Variants in HMGXB4 observed in about 807,000 individuals in gnomAD.
HMGXB4 encodes HMG-box containing 4.
HMGXB4 carries 27 observed loss-of-function variants against 63.9 expected under a neutral mutation model. The observed-to-expected ratio is 0.42, with a 90% CI of 0.31 to 0.58. The LOEUF (loss-of-function observed/expected upper bound fraction) is 0.58. Ranked by LOEUF, HMGXB4 falls within the 20% of genes least tolerant of loss-of-function variation. The pLI is 0.13. For missense variants in HMGXB4, 624 were observed against 700.7 expected, an observed-to-expected ratio of 0.89 and a Z score of 1.24; for synonymous variants, 264 against 265.3, an observed-to-expected ratio of 0.99 and a Z score of 0.05.
At chr22:35,278,238 A>G (rs150817529) in intron 5 of HMGXB4, among the ~76,000 whole-genome samples, 1,728 of 152,232 alleles carry the variant, frequency 0.011, 16 homozygotes, top group Non-Finnish European at 0.018. Context: ...TACTACTACA[A>G]TTTATTCATT....
In HMGXB4 at chr22:35,295,655, C is replaced by T. The variant is rs1925217677; in HGVS notation, c.*2004C>T. On this transcript the variant is annotated 3_prime_UTR_variant, in exon 11 of 11. Coordinates refer to ENST00000216106, the MANE Select transcript of HMGXB4 (RefSeq NM_001003681.3). ...GTATTTGGTACTATTAGAGGAAAAACTTTGGATTCAGACCTTCTTGCAGTT... is the reference window on the plus strand; with the variant it reads ...GTATTTGGTACTATTAGAGGAAAAATTTTGGATTCAGACCTTCTTGCAGTT... 1 of 152,520 alleles carries T rather than the reference C, an allele frequency of 6.6e-6. No individual in the cohort carries two copies. Among genetic ancestry groups the T allele is most frequent in the Admixed American group, 6.6e-5 (1 of 15,254 alleles). The allele number at this position is 152,520 out of a possible 1,614,324, so 9.4% of individuals were successfully genotyped here. A position where few individuals can be genotyped will look rare whatever the true frequency, so the allele number is the denominator to read the frequency against.
chr22:35,258,560 C>T (rs1299083767), intron 1 of HMGXB4: 1 of 152,330 alleles, frequency 6.6e-6, no homozygotes, highest in Non-Finnish European at 1.5e-5. Context: ...GTCGGGATCT[C>T]TGCAGCTTCC....
Position 35,273,859 on chromosome 22 carries a change from C to T in HMGXB4, c.1215+8256C>T, listed in dbSNP as rs73420629. Among the ~76,000 whole-genome samples, 1,276 of 152,324 alleles carry T rather than the reference C, an allele frequency of 8.4e-3. 10 individuals carry two copies. Among genetic ancestry groups the T allele is most frequent in the African/African-American group, 0.028 (1,144 of 41,556 alleles). On this transcript the variant is annotated intron_variant, in intron 5 of 10. Transcript: ENST00000216106. ...CAGTGAGATGAGTCCTGTGACCTCTCTGCCTCTGTTCCTTTATGCTTAAAA... is the reference window on the plus strand; with the variant it reads ...CAGTGAGATGAGTCCTGTGACCTCTTTGCCTCTGTTCCTTTATGCTTAAAA...
intron 8 of HMGXB4, among the ~76,000 whole-genome samples, chr22:35,287,761 C>G (rs1215938695): frequency 1.3e-5 from 2 of 151,938 alleles, no homozygotes; most frequent in African/African-American, 4.8e-5. Flanking sequence ...CCAGCCTAAC[C>G]AACATGGAGA....
intron 5 of HMGXB4, among the ~76,000 whole-genome samples, chr22:35,266,401 T>C (rs1413101763): frequency 2.6e-5 from 4 of 152,204 alleles, no homozygotes; most frequent in African/African-American, 7.2e-5. Context: ...TTTTACTGTC[T>C]GAGTGCTTGC....
rs1215487309 is a variant in HMGXB4, at chr22:35,294,848, C to A, written c.*1197C>A. ...TTCCTTCCCTCTTTCCTTCCTTCCT[C>A]CTGGTCTGTTCCAAAAACTCTGAAT... On this transcript the variant is annotated 3_prime_UTR_variant, in exon 11 of 11. Coordinates refer to ENST00000216106, the MANE Select transcript of HMGXB4 (RefSeq NM_001003681.3). 1 of 152,082 alleles carries A rather than the reference C, an allele frequency of 6.6e-6. No homozygotes were observed. The highest frequency in any genetic ancestry group is 1.5e-5 in the Non-Finnish European group (1 of 68,010). 9.4% of individuals were successfully genotyped at this position (152,082 alleles called of 1,614,324 possible).
At chr22:35,247,741 T>C in the HMGXB4 span, among the ~76,000 whole-genome samples, 1 of 150,514 alleles carries the variant, frequency 6.6e-6, no homozygotes, top group Non-Finnish European at 1.5e-5. Flanking sequence ...TTTGCTGGTT[T>C]GTTTGTTTGT....
At chr22:35,263,019 T>C (rs1371928713) in intron 2 of HMGXB4, 59 bp from the exon 3 acceptor site, 3 of 1,495,910 alleles carry the variant, frequency 2.0e-6, no homozygotes, top group South Asian at 1.2e-5. Flanking sequence ...GCATGACGAT[T>C]TGGTCATTAC....
chr22:35,269,954 G>T (rs1232348400), intron 5 of HMGXB4, among the ~76,000 whole-genome samples: 1 of 151,970 alleles, frequency 6.6e-6, no homozygotes, highest in Admixed American at 6.6e-5. Flanking sequence ...CTCTAACCTG[G>T]TTGACAGAGC....
At position 35,265,464 on chromosome 22, in the gene HMGXB4, C is replaced by T. The variant is rs1568996877; in HGVS notation, c.1076C>T (p.Thr359Ile). 6.2e-7 allele frequency: 1 copy of T among 1,614,098 alleles called. No individual in the cohort carries two copies. The highest frequency in any genetic ancestry group is 2.2e-5 in the East Asian group (1 of 44,862). The change falls in exon 5 of 11, where the codon ACA becomes ATA. Residue 359 changes from threonine (T) to isoleucine (I), a missense_variant. Transcript: ENST00000216106. ...SAVPVGEVTV[T>I]SGPPPSIPYA... ...GTGCCAGTGGGAGAGGTCACAGTGA[C>T]ATCTGGCCCTCCTCCCAGCATCCCA...
the HMGXB4 span, among the ~76,000 whole-genome samples, chr22:35,252,007 G>C: frequency 8.5e-5 from 13 of 152,126 alleles, no homozygotes; most frequent in Admixed American, 8.5e-4. Context: ...CTGAGGTCAG[G>C]AGTTAGAGAC....
chr22:35,251,701 T>A, the HMGXB4 span, among the ~76,000 whole-genome samples: 9 of 152,354 alleles, frequency 5.9e-5, no homozygotes, highest in African/African-American at 2.2e-4. Context: ...TAATCTTTTT[T>A]AAACAGTTTT....
Position 35,265,596 on chromosome 22 carries a change from G to A in HMGXB4, c.1208G>A (p.Gly403Glu). The A allele has an allele frequency of 1.3e-6, 2 of 1,556,222 alleles. No individual in the cohort carries two copies. Among genetic ancestry groups the A allele is most frequent in the South Asian group, 1.2e-5 (1 of 84,376 alleles). Residue 403 changes from glycine (G) to glutamate (E), a missense_variant, in exon 5 of 11, where the codon GGA becomes GAA. This residue lies in a region of HMGXB4 where 472 missense variants were observed against 470.6 expected (regional missense o/e 1.00). Transcript: ENST00000216106. ...GAGAAGGACAAAGAGAGAGAGAGAG[G>A]AGAAAAGGTAAAGCATCTTTTAAGT... The part of the protein sequence containing the change: ...KEEKDKERER[G>E]EKPKKKNMSA...
chr22:35,253,408 A>G (rs1396958412), upstream of HMGXB4, among the ~76,000 whole-genome samples: 1 of 152,220 alleles, frequency 6.6e-6, no homozygotes, highest in East Asian at 1.9e-4. Flanking sequence ...TAAGTTGCTC[A>G]AAAGCAGGAA....
chr22:35,259,196 C>A (rs1922676377), intron 1 of HMGXB4, among the ~76,000 whole-genome samples: 1 of 152,164 alleles, frequency 6.6e-6, no homozygotes, highest in South Asian at 2.1e-4. Context: ...TTGTGCATTT[C>A]ATAAGTATAC....
At chr22:35,255,464 G>A (rs1922354546), upstream of HMGXB4, among the ~76,000 whole-genome samples, 1 of 152,238 alleles carries the variant, frequency 6.6e-6, no homozygotes, top group African/African-American at 2.4e-5. Flanking sequence ...GCAGTGAGCT[G>A]TGATCGTGCC....
intron 5 of HMGXB4, among the ~76,000 whole-genome samples, chr22:35,276,576 T>A (rs1171813472): frequency 6.6e-6 from 1 of 152,120 alleles, no homozygotes; most frequent in Non-Finnish European, 1.5e-5. Context: ...ACCCTTTACA[T>A]GAACTCATGG....
At position 35,283,950 on chromosome 22, in the gene HMGXB4, A is replaced by G. The variant is rs542631434; in HGVS notation, c.1216-12A>G. 2.1e-5 allele frequency: 33 copies of G among 1,604,042 alleles called. No individual in the cohort carries two copies. Among genetic ancestry groups the G allele is most frequent in the African/African-American group, 4.0e-5 (3 of 74,948 alleles). ...CAAGTCTTACCCTGTTGTATCTTCT[A>G]TGCGGCATTAGCCAAAAAAGAAGAA... On this transcript the variant is annotated splice_polypyrimidine_tract_variant and intron_variant, in intron 5 of 10. Coordinates refer to ENST00000216106, the MANE Select transcript of HMGXB4 (RefSeq NM_001003681.3).
At chr22:35,262,562 T>C (rs1360770217) in intron 2 of HMGXB4, 141 bp downstream of exon 2, 1 of 856,822 alleles carries the variant, frequency 1.2e-6, no homozygotes, top group African/African-American at 1.7e-5. Flanking sequence ...ACACTCAGCC[T>C]CCACGCCATC....
Sources: gnomAD v4.1 joint callset for allele counts (sites outside exome capture counted in the v4.1 genomes callset) on GRCh38, gnomAD v4.1.1 for gene constraint, gnomAD v4.1.1 regional missense constraint, MANE v1.5 for transcripts, NCBI Gene and HGNC (gene_info 2026-07-23, HGNC 2026-07-21) for gene names.